Variants in ZDHHC4 observed in about 807,000 individuals in gnomAD.
ZDHHC4 encodes zDHHC palmitoyltransferase 4, also known as palmitoyltransferase ZDHHC4.
ZDHHC4 carries 42 observed loss-of-function variants against 36.7 expected under a neutral mutation model. That is an observed-to-expected ratio of 1.14 (90% CI 0.89 to 1.48). The LOEUF is 1.48. Among genes scored for constraint, ZDHHC4 ranks in the 40% most tolerant of loss-of-function variants. ZDHHC4 has a pLI of 0.00. For missense variants in ZDHHC4, 457 were observed against 421.5 expected, an observed-to-expected ratio of 1.08 and a Z score of -0.74; for synonymous variants, 189 against 166.6, an observed-to-expected ratio of 1.13 and a Z score of -1.03.
At chr7:6,580,822 C>T in intron 3 of ZDHHC4, 144 bp downstream of exon 3, 1 of 742,190 alleles carries the variant, frequency 1.3e-6, no homozygotes, top group Non-Finnish European at 2.2e-6. Context: ...GAAGCTGAGG[C>T]AGGAGGATCC....
chr7:6,583,199 T>TA, intron 5 of ZDHHC4, 107 bp from the exon 6 acceptor site: 3 of 1,262,120 alleles, frequency 2.4e-6, no homozygotes, highest in South Asian at 1.3e-5. Flanking sequence ...AAGAATTACT[T>TA]ACGATATTAA....
chr7:6,588,979 A>G lies in ZDHHC4; in HGVS notation c.*69A>G, dbSNP rs1781475537. On this transcript the variant is annotated 3_prime_UTR_variant, in exon 8 of 8. Coordinates refer to ENST00000335965, the MANE Select transcript of ZDHHC4 (RefSeq NM_001134389.2). ...ACATGTGGATCCTCGTTTTCCAAGC[A>G]TGGCTTGTTTGTTTTGATTTCTGCT... is the stretch of plus-strand genomic sequence containing the variant. 6.5e-7 allele frequency: 1 copy of G among 1,539,198 alleles called. No individual in the cohort carries two copies. The highest frequency in any genetic ancestry group is 8.8e-7 in the Non-Finnish European group (1 of 1,134,766).
At chr7:6,583,194 T>A in intron 5 of ZDHHC4, 112 bp from the exon 6 acceptor site, 1 of 1,205,414 alleles carries the variant, frequency 8.3e-7, no homozygotes, top group Non-Finnish European at 1.2e-6. Flanking sequence ...AAAAAAAGAA[T>A]TACTTACGAT....
chr7:6,584,849 C>T, intron 6 of ZDHHC4, 167 bp from the exon 7 acceptor site: 1 of 968,298 alleles, frequency 1.0e-6, no homozygotes, highest in Non-Finnish European at 1.5e-6. Flanking sequence ...TGGCTGGTTG[C>T]TCCTGTACTG....
chr7:6,583,658 C>A (rs1017545948), intron 6 of ZDHHC4: 1 of 473,954 alleles, frequency 2.1e-6, no homozygotes, highest in East Asian at 3.9e-5. Context: ...CAGCCCTTCC[C>A]TCGCCACGTG....
In ZDHHC4 at chr7:6,580,535, C is replaced by T. The variant is rs375823123; in HGVS notation, c.-7-20C>T. 4 of 1,598,908 alleles carry T rather than the reference C, an allele frequency of 2.5e-6. No individual in the cohort carries two copies. Among genetic ancestry groups the T allele is most frequent in the African/African-American group, 2.7e-5 (2 of 74,648 alleles). ...AACCTTTCAGTAGCAGATAGTCACA[C>T]TCTTTCTGTTCCTTTGTAGCTGCAG... On this transcript the variant is annotated intron_variant, in intron 2 of 7. Coordinates refer to ENST00000335965, the MANE Select transcript of ZDHHC4 (RefSeq NM_001134389.2).
rs545067431 is a variant in ZDHHC4, at chr7:6,577,517, G to A, written c.-163+19G>A. ...GCTGGCGGTAAGGCCGCCTCCGCGG[G>A]GCTGTGGGAAGCTTGGGCTGTCCCA... is the stretch of plus-strand genomic sequence containing the variant. On this transcript the variant is annotated intron_variant, in intron 1 of 7. Coordinates refer to ENST00000335965, the MANE Select transcript of ZDHHC4 (RefSeq NM_001134389.2). 3.3e-4 allele frequency: 50 copies of A among 152,372 alleles called. No individual in the cohort carries two copies. The highest frequency in any genetic ancestry group is 1.2e-3 in the African/African-American group (49 of 41,594). 9.4% of individuals were successfully genotyped at this position (152,372 alleles called of 1,614,324 possible).
chr7:6,584,344 G>A (rs1781076074), intron 6 of ZDHHC4: 1 of 152,064 alleles, frequency 6.6e-6, no homozygotes, highest in Admixed American at 6.6e-5. Flanking sequence ...TGAAAAAGTA[G>A]GCTTACATGT....
intron 1 of ZDHHC4, among the ~76,000 whole-genome samples, chr7:6,578,344 G>C (rs549082268): frequency 8.3e-4 from 127 of 152,250 alleles, no homozygotes; most frequent in African/African-American, 2.5e-3. Context: ...TGCCCAGGCT[G>C]GTCTCGAACT....
chr7:6,588,537 A>T, intron 7 of ZDHHC4, 80 bp from the exon 8 acceptor site: 1 of 1,475,908 alleles, frequency 6.8e-7, no homozygotes, highest in Non-Finnish European at 9.3e-7. Flanking sequence ...TGGCTGTGGC[A>T]GGCCCAGGGT....
intron 5 of ZDHHC4, 113 bp downstream of exon 5, chr7:6,582,364 C>T (rs1191421384): frequency 8.3e-6 from 8 of 968,310 alleles, no homozygotes; most frequent in Non-Finnish European, 1.2e-5. Flanking sequence ...TGATGTGTAG[C>T]ATTTTCATTA....
intron 4 of ZDHHC4, 63 bp downstream of exon 4, chr7:6,581,743 T>G: frequency 7.5e-7 from 1 of 1,334,790 alleles, no homozygotes; most frequent in Non-Finnish European, 1.1e-6. Flanking sequence ...ATTGTTGAGA[T>G]CCTCTAGCTT....
At chr7:6,585,628 A>G (rs1781188712) in intron 7 of ZDHHC4, among the ~76,000 whole-genome samples, 5 of 151,898 alleles carry the variant, frequency 3.3e-5, no homozygotes, top group Admixed American at 3.3e-4. Flanking sequence ...AACATGGTGA[A>G]ACCCCATCTC....
rs147224244 is a variant in ZDHHC4 at position 6,581,923 on chromosome 7, C to T, written c.192-150C>T. 3.5e-6 allele frequency: 3 copies of T among 868,136 alleles called. No individual in the cohort carries two copies. In the African/African-American group the frequency reaches 5.1e-5, roughly 15 times the overall value. 53.8% of individuals were successfully genotyped at this position (868,136 alleles called of 1,614,324 possible). A position where few individuals can be genotyped will look rare whatever the true frequency, so the allele number is the denominator to read the frequency against. ...ACAGATTGTGAATTTCTGTTAAATACATGCAAAATGTTTCACATAGTTTTC... is the reference window on the plus strand; with the variant it reads ...ACAGATTGTGAATTTCTGTTAAATATATGCAAAATGTTTCACATAGTTTTC... On this transcript the variant is annotated intron_variant, in intron 4 of 7. Coordinates refer to ENST00000335965, the MANE Select transcript of ZDHHC4 (RefSeq NM_001134389.2).
Position 6,589,072 on chromosome 7 carries a change from C to T in ZDHHC4, c.*162C>T, listed in dbSNP as rs577913682. 7 of 840,150 alleles carry T rather than the reference C, an allele frequency of 8.3e-6. No homozygotes were observed. In the East Asian group the frequency reaches 1.0e-4, roughly 12 times the overall value. The allele number at this position is 840,150 out of a possible 1,614,324, so 52.0% of individuals were successfully genotyped here. ...AATGGGTGTTGACTGAGGAATCCCC[C>T]TTGCTTGTCTTCTTTTGAAACCGGG... On this transcript the variant is annotated 3_prime_UTR_variant, in exon 8 of 8. Coordinates refer to ENST00000335965, the MANE Select transcript of ZDHHC4 (RefSeq NM_001134389.2).
chr7:6,585,389 C>A, intron 7 of ZDHHC4, 129 bp downstream of exon 7: 2 of 1,313,310 alleles, frequency 1.5e-6, no homozygotes, highest in Non-Finnish European at 2.0e-6. Flanking sequence ...TTTTGGAGGC[C>A]GAGGTGGGAG....
Position 6,585,157 on chromosome 7 carries a change from C to T in ZDHHC4, c.638C>T (p.Thr213Ile), listed in dbSNP as rs991381169. The change falls in exon 7 of 8, where the codon ACC becomes ATC. Residue 213 changes from threonine (T) to isoleucine (I), a missense_variant. Transcript: ENST00000335965. The stretch of plus-strand genomic sequence containing the variant: ...GCTGCCACCGTCGCCATTGTGAGCA[C>T]CACTTTTCTGGTCCACTTGGTGGTG... ...ASAATVAIVS[T>I]TFLVHLVVMS... is the part of the protein sequence containing the mutation. The T allele has an allele frequency of 6.2e-6, 10 of 1,614,040 alleles. No individual in the cohort carries two copies. Among genetic ancestry groups the T allele is most frequent in the Non-Finnish European group, 8.5e-6 (10 of 1,180,042 alleles).
intron 2 of ZDHHC4, among the ~76,000 whole-genome samples, chr7:6,579,716 G>A (rs938475298): frequency 2.0e-5 from 3 of 152,178 alleles, no homozygotes; most frequent in African/African-American, 7.2e-5. Flanking sequence ...AATATTTAAG[G>A]AAGTAAAAGA....
chr7:6,588,948 A>G lies in ZDHHC4; in HGVS notation c.*38A>G, dbSNP rs762075658. The G allele has an allele frequency of 1.9e-6, 3 of 1,578,552 alleles. No homozygotes were observed. The African/African-American group carries it at 4.1e-5, about 21-fold the overall frequency. ...TGCCTTTGAGCTGTAGTTCCCGTTT[A>G]TTTACACATGTGGATCCTCGTTTTC... On this transcript the variant is annotated 3_prime_UTR_variant, in exon 8 of 8. Transcript: ENST00000335965.
Sources: allele counts gnomAD v4.1 joint callset (sites outside exome capture counted in the v4.1 genomes callset), GRCh38; gene constraint gnomAD v4.1.1; transcripts MANE v1.5; gene names NCBI Gene and HGNC (gene_info 2026-07-23, HGNC 2026-07-21).